Variants in KLHL28 observed in about 807,000 individuals in gnomAD.
KLHL28 encodes kelch-like protein 28.
KLHL28 carries 22 observed loss-of-function variants against 48.3 expected under a neutral mutation model. That is an observed-to-expected ratio of 0.46 (90% CI 0.33 to 0.65). The LOEUF (loss-of-function observed/expected upper bound fraction) is 0.65. Ranked by LOEUF, KLHL28 falls within the 30% of genes least tolerant of loss-of-function variation. KLHL28 has a pLI of 0.03. For missense variants in KLHL28, 527 were observed against 704.3 expected, an observed-to-expected ratio of 0.75 and a Z score of 2.85; for synonymous variants, 243 against 242.4, an observed-to-expected ratio of 1.00 and a Z score of -0.02.
chr14:44,930,423 C>T (rs1188817456), intron 4 of KLHL28, among the ~76,000 whole-genome samples: 3 of 152,034 alleles, frequency 2.0e-5, no homozygotes, highest in Non-Finnish European at 2.9e-5. Flanking sequence ...TGCCACCGCA[C>T]CAGGCTAATT....
intron 1 of KLHL28, among the ~76,000 whole-genome samples, chr14:44,956,761 G>T (rs1884810011): frequency 6.6e-6 from 1 of 152,164 alleles, no homozygotes. Context: ...ACACTGACTG[G>T]ATTATTAATA....
chr14:44,955,440 A>T (rs1438969088), intron 1 of KLHL28, among the ~76,000 whole-genome samples: 1 of 152,062 alleles, frequency 6.6e-6, no homozygotes, highest in Non-Finnish European at 1.5e-5. Flanking sequence ...AGAGAACAGA[A>T]CTCCTTGGGC....
chr14:44,949,864 C>T (rs1473934336), intron 1 of KLHL28, among the ~76,000 whole-genome samples: 1 of 152,058 alleles, frequency 6.6e-6, no homozygotes, highest in African/African-American at 2.4e-5. Context: ...GCTGCATTAA[C>T]AGAACTATAA....
intron 1 of KLHL28, among the ~76,000 whole-genome samples, chr14:44,954,433 AAAC>A (rs1164909523): frequency 2.0e-5 from 3 of 152,218 alleles, no homozygotes; most frequent in Non-Finnish European, 4.4e-5. Flanking sequence ...AAGATTTTTA[AAAC>A]AACTCTCATG....
chr14:44,953,192 C>A (rs370966232), intron 1 of KLHL28, among the ~76,000 whole-genome samples: 2 of 151,862 alleles, frequency 1.3e-5, no homozygotes, highest in South Asian at 2.1e-4. Context: ...GGAATCTCTG[C>A]GAGGGAAAAG....
Position 44,928,762 on chromosome 14 carries a change from C to G in KLHL28, c.*266G>C. On this transcript the variant is annotated 3_prime_UTR_variant, in exon 5 of 5. Transcript: ENST00000396128. ...GAACATAAAACTAGTACATCTCAGTCTTGGGGGAAAAAGTGCAGAATTCAA... is the reference window on the plus strand; with the variant it reads ...GAACATAAAACTAGTACATCTCAGTGTTGGGGGAAAAAGTGCAGAATTCAA... The G allele has an allele frequency of 4.4e-6, 1 of 229,464 alleles. No homozygotes were observed. The highest frequency in any genetic ancestry group is 2.4e-5 in the African/African-American group (1 of 42,092). The allele number at this position is 229,464 out of a possible 1,614,324, so 14.2% of individuals were successfully genotyped here.
intron 2 of KLHL28, among the ~76,000 whole-genome samples, chr14:44,941,489 G>A (rs996270403): frequency 4.0e-5 from 6 of 151,898 alleles, no homozygotes; most frequent in Admixed American, 3.3e-4. Flanking sequence ...TTAGCTGGGC[G>A]TGGTGGTGCA....
chr14:44,940,715 T>G (rs1014008216), intron 2 of KLHL28, among the ~76,000 whole-genome samples: 1 of 152,226 alleles, frequency 6.6e-6, no homozygotes, highest in Non-Finnish European at 1.5e-5. Context: ...CTTTCTCCTA[T>G]TCACAACTTT....
Position 44,945,802 on chromosome 14 carries a change from C to G in KLHL28, c.127G>C (p.Asp43His), listed in dbSNP as rs1424631385. The change falls in exon 2 of 5, where the codon GAT (aspartate) becomes CAT (histidine). Residue 43 changes from aspartate (D) to histidine (H), a missense_variant. Coordinates refer to ENST00000396128, the MANE Select transcript of KLHL28 (RefSeq NM_017658.5). ...ELCDIILRVG[D>H]VKIHAHKVVL... ...ACTTTGTGAGCATGAATTTTAACAT[C>G]ACCTACTCGAAGAATGATGTCACAG... The G allele has an allele frequency of 1.9e-6, 3 of 1,614,020 alleles. No homozygotes were observed. Among genetic ancestry groups the G allele is most frequent in the African/African-American group, 2.7e-5 (2 of 74,914 alleles).
intron 1 of KLHL28, among the ~76,000 whole-genome samples, chr14:44,958,074 TC>T (rs1447637000): frequency 1.4e-5 from 2 of 147,686 alleles, no homozygotes; most frequent in Non-Finnish European, 3.0e-5. Context: ...TAGTTTTTGT[TC>T]TTTTTTTTTT....
At chr14:44,933,087 G>A (rs755721874) in intron 3 of KLHL28, among the ~76,000 whole-genome samples, 106 of 152,040 alleles carry the variant, frequency 7.0e-4, no homozygotes, top group Admixed American at 1.4e-3. Flanking sequence ...ATCATCTCTA[G>A]ATTACTTATA....
intron 2 of KLHL28, among the ~76,000 whole-genome samples, chr14:44,938,899 C>T (rs1172456356): frequency 6.6e-6 from 1 of 152,152 alleles, no homozygotes; most frequent in African/African-American, 2.4e-5. Context: ...TTGGGGGTGG[C>T]CCCATTCCCA....
rs918061259 is a variant in KLHL28 at position 44,927,050 on chromosome 14, T to C, written c.*1978A>G. The stretch of plus-strand genomic sequence containing the variant: ...TTTATTCAAATCAATGAAAAAGTTA[T>C]TGCTATATATTATTATGTTATTCAG... On this transcript the variant is annotated 3_prime_UTR_variant, in exon 5 of 5. Transcript: ENST00000396128. 2.0e-5 allele frequency: 3 copies of C among 152,628 alleles called. No homozygotes were observed. The highest frequency in any genetic ancestry group is 4.4e-5 in the Non-Finnish European group (3 of 68,014). 9.5% of individuals were successfully genotyped at this position (152,628 alleles called of 1,614,324 possible).
intron 2 of KLHL28, among the ~76,000 whole-genome samples, chr14:44,942,527 TAA>T (rs1884145152): frequency 1.3e-5 from 2 of 152,168 alleles, no homozygotes; most frequent in South Asian, 4.1e-4. Context: ...GCAACCCACA[TAA>T]AAGTCTTTTT....
At chr14:44,930,130 C>A (rs1883520054) in intron 4 of KLHL28, among the ~76,000 whole-genome samples, 1 of 152,132 alleles carries the variant, frequency 6.6e-6, no homozygotes, top group Non-Finnish European at 1.5e-5. Flanking sequence ...CTTTCCCTCT[C>A]AAGGATACAA....
chr14:44,934,269 G>T lies in KLHL28; in HGVS notation c.1189C>A (p.Gln397Lys). The T allele has an allele frequency of 2.5e-6, 4 of 1,614,028 alleles. No homozygotes were observed. Among genetic ancestry groups the T allele is most frequent in the Non-Finnish European group, 3.4e-6 (4 of 1,179,992 alleles). ...TTCTCTACAGATTGTAAATAAGATTGTCCATCATAACCACCTAAGGCATAA... is the reference window on the plus strand; with the variant it reads ...TTCTCTACAGATTGTAAATAAGATTTTCCATCATAACCACCTAAGGCATAA... Reference protein sequence around the residue: ...ELYALGGYDGQSYLQSVEKYI... With the variant: ...ELYALGGYDGKSYLQSVEKYI... Residue 397 changes from glutamine (Q) to lysine (K), a missense_variant, in exon 3 of 5, where the codon CAA becomes AAA. Physicochemically the swap from Gln to Lys is moderately conservative, Grantham distance 53 (BLOSUM62 1). Coordinates refer to ENST00000396128, the MANE Select transcript of KLHL28 (RefSeq NM_017658.5).
Position 44,928,348 on chromosome 14 carries a change from A to G in KLHL28, c.*680T>C, listed in dbSNP as rs1883443367. 6.6e-6 allele frequency: 1 copy of G among 152,148 alleles called. No homozygotes were observed. Among genetic ancestry groups the G allele is most frequent in the African/African-American group, 2.4e-5 (1 of 41,424 alleles). The allele number at this position is 152,148 out of a possible 1,614,324, so 9.4% of individuals were successfully genotyped here. The stretch of plus-strand genomic sequence containing the variant: ...TCATCCAACGTTAACCTGCCCATAT[A>G]CAAAAGGCATAAACAGTAAATATCT... On this transcript the variant is annotated 3_prime_UTR_variant, in exon 5 of 5. Coordinates refer to ENST00000396128, the MANE Select transcript of KLHL28 (RefSeq NM_017658.5).
At position 44,928,827 on chromosome 14, in the gene KLHL28, T is replaced by C. The variant is rs935696626; in HGVS notation, c.*201A>G. The C allele has an allele frequency of 4.2e-5, 18 of 425,854 alleles. No individual in the cohort carries two copies. In the Admixed American group the frequency reaches 7.3e-4, roughly 17 times the overall value. 26.4% of individuals were successfully genotyped at this position (425,854 alleles called of 1,614,324 possible). ...ACTTTTTTTTTTTCTCTTTTTTCTT[T>C]TTGATTATTGATTTACTGTGTAATC... On this transcript the variant is annotated 3_prime_UTR_variant, in exon 5 of 5. Transcript: ENST00000396128.
At position 44,945,932 on chromosome 14, in the gene KLHL28, C is replaced by A. The variant is rs1311407435; in HGVS notation, c.1-4G>T. ...AGGTCGGGGATGTGTGGTCCATCTA[C>A]AGAAAAATAAAAAAGCATAGACAGT... On this transcript the variant is annotated splice_polypyrimidine_tract_variant and splice_region_variant and intron_variant, in intron 1 of 4. Coordinates refer to ENST00000396128, the MANE Select transcript of KLHL28 (RefSeq NM_017658.5). 6.2e-7 allele frequency: 1 copy of A among 1,602,232 alleles called. No homozygotes were observed. The highest frequency in any genetic ancestry group is 8.5e-7 in the Non-Finnish European group (1 of 1,172,852).
Sources: allele counts gnomAD v4.1 joint callset (sites outside exome capture counted in the v4.1 genomes callset), GRCh38; gene constraint gnomAD v4.1.1; transcripts MANE v1.5; gene names NCBI Gene and HGNC (gene_info 2026-07-23, HGNC 2026-07-21).